GPC5: variants seen among roughly 807,000 people sequenced by gnomAD.
The protein encoded by GPC5 is glypican-5.
In GPC5, 47 loss-of-function variants were observed where a neutral mutation model predicts 53.9. That is an observed-to-expected ratio of 0.87 (90% CI 0.69 to 1.11). GPC5 has a LOEUF of 1.11. Ranked by LOEUF, GPC5 falls within the 50% of genes most tolerant of loss-of-function variation. The pLI is 0.00. For missense variants in GPC5, 748 were observed against 713.1 expected (o/e 1.05, Z -0.56); for synonymous variants, 286 against 263.3 (o/e 1.09, Z -0.84).
chr13:91,444,499 C>T (rs189004496), intron 1 of GPC5, among the ~76,000 whole-genome samples: 107 of 152,258 alleles, frequency 7.0e-4, no homozygotes, highest in African/African-American at 2.5e-3. Context: ...TTTTTCTGAA[C>T]ATTTTTATTG....
At chr13:92,127,080 T>C (rs767034604) in intron 6 of GPC5, among the ~76,000 whole-genome samples, 2 of 152,084 alleles carry the variant, frequency 1.3e-5, no homozygotes, top group Non-Finnish European at 1.5e-5. Context: ...AAAAGTAGTA[T>C]TGATTGAGAA....
chr13:91,436,165 GT>G (rs1227321951), intron 1 of GPC5, among the ~76,000 whole-genome samples: 1 of 151,320 alleles, frequency 6.6e-6, no homozygotes, highest in Non-Finnish European at 1.5e-5. Context: ...TTTTTGAAGG[GT>G]TTTTTGTGTC....
intron 6 of GPC5, among the ~76,000 whole-genome samples, chr13:92,001,044 T>C (rs1055920290): frequency 3.9e-5 from 6 of 152,204 alleles, no homozygotes; most frequent in African/African-American, 1.4e-4. Context: ...GTACTTTAAG[T>C]AAGTATGTCT....
intron 7 of GPC5, among the ~76,000 whole-genome samples, chr13:92,370,579 G>T (rs1401731029): frequency 6.6e-6 from 1 of 151,548 alleles, no homozygotes; most frequent in African/African-American, 2.4e-5. Flanking sequence ...TCTGTTAAAT[G>T]GAAAAAATAT....
At chr13:91,512,124 T>C (rs1029996901) in intron 2 of GPC5, among the ~76,000 whole-genome samples, 8 of 152,202 alleles carry the variant, frequency 5.3e-5, no homozygotes, top group African/African-American at 1.9e-4. Context: ...ATCTTTTCAT[T>C]AGCAGAGCTT....
At chr13:92,773,901 C>T (rs1396293621) in intron 7 of GPC5, among the ~76,000 whole-genome samples, 1 of 152,164 alleles carries the variant, frequency 6.6e-6, no homozygotes, top group African/African-American at 2.4e-5. Flanking sequence ...GGAGGCCTCA[C>T]CATCATGGTG....
At chr13:91,707,280 C>A (rs2036126259) in intron 3 of GPC5, among the ~76,000 whole-genome samples, 1 of 152,068 alleles carries the variant, frequency 6.6e-6, no homozygotes. Flanking sequence ...ATCAAAACCA[C>A]ACTGAGACAG....
intron 6 of GPC5, among the ~76,000 whole-genome samples, chr13:91,928,412 A>T (rs2039789368): frequency 1.3e-5 from 2 of 152,312 alleles, no homozygotes; most frequent in South Asian, 2.1e-4. Flanking sequence ...GAATGTTGTG[A>T]GTTTAACAGA....
intron 5 of GPC5, among the ~76,000 whole-genome samples, chr13:91,785,512 TA>T (rs1159176750): frequency 1.2e-5 from 1 of 84,452 alleles, no homozygotes; most frequent in Non-Finnish European, 2.6e-5. Flanking sequence ...TTGATTAACA[TA>T]TTTATTTTAC....
chr13:91,503,142 C>T (rs1306556735), intron 2 of GPC5, among the ~76,000 whole-genome samples: 4 of 151,920 alleles, frequency 2.6e-5, no homozygotes, highest in Non-Finnish European at 4.4e-5. Flanking sequence ...AAAATCAGTA[C>T]AGCACAGAGA....
chr13:92,722,731 A>G (rs17267362), intron 7 of GPC5, among the ~76,000 whole-genome samples: 12,303 of 151,724 alleles, frequency 0.081, 607 homozygotes, highest in Admixed American at 0.13. Context: ...AAGGAATAGA[A>G]CTCCAGAGTG....
At chr13:92,854,902 G>A (rs1043538589) in intron 7 of GPC5, among the ~76,000 whole-genome samples, 25 of 151,854 alleles carry the variant, frequency 1.6e-4, no homozygotes, top group African/African-American at 6.0e-4. Context: ...TGTTACATTT[G>A]TCTATTTTTA....
chr13:92,695,747 A>G (rs540179333), intron 7 of GPC5, among the ~76,000 whole-genome samples: 6 of 151,842 alleles, frequency 4.0e-5, no homozygotes, highest in Non-Finnish European at 7.4e-5. Context: ...ACATGTGCAG[A>G]AAGTGCAGGT....
intron 1 of GPC5, among the ~76,000 whole-genome samples, chr13:91,432,203 C>CTGCTGCTGCTGCTGCTGCTGTGTG (rs1555306318): frequency 3.7e-5 from 5 of 136,354 alleles, no homozygotes; most frequent in African/African-American, 1.4e-4. Context: ...GCTGCTGCTG[C>CTGCTGCTGCTGCTGCTGCTGTGTG]TGTGTGTGTG....
At chr13:91,594,999 T>G (rs1317331083) in intron 2 of GPC5, among the ~76,000 whole-genome samples, 9 of 102,054 alleles carry the variant, frequency 8.8e-5, no homozygotes, top group Non-Finnish European at 1.8e-4. Context: ...TATTTATTTA[T>G]TTATTTATTT....
intron 7 of GPC5, among the ~76,000 whole-genome samples, chr13:92,335,021 CCTT>C (rs558660486): frequency 2.7e-3 from 413 of 152,200 alleles, no homozygotes; most frequent in African/African-American, 9.3e-3. Flanking sequence ...AGGATGGTGG[CCTT>C]CTTCTCACAG....
At chr13:91,862,801 A>T (rs1284533707) in intron 5 of GPC5, among the ~76,000 whole-genome samples, 1 of 152,168 alleles carries the variant, frequency 6.6e-6, no homozygotes, top group Non-Finnish European at 1.5e-5. Flanking sequence ...AATGTTTCAT[A>T]GCAAAAGGAT....
intron 2 of GPC5, among the ~76,000 whole-genome samples, chr13:91,520,866 T>C (rs894236976): frequency 2.0e-5 from 3 of 152,134 alleles, no homozygotes; most frequent in Non-Finnish European, 4.4e-5. Flanking sequence ...AATGATTTCC[T>C]GTAGAAATGA....
At chr13:92,000,298 G>A (rs1319930988) in intron 6 of GPC5, among the ~76,000 whole-genome samples, 1 of 151,880 alleles carries the variant, frequency 6.6e-6, no homozygotes, top group African/African-American at 2.4e-5. Flanking sequence ...TTTGGATAGA[G>A]GAAAATAGAA....
Sources: allele counts gnomAD v4.1 joint callset (sites outside exome capture counted in the v4.1 genomes callset), GRCh38; gene constraint gnomAD v4.1.1; transcripts MANE v1.5; gene names NCBI Gene and HGNC (gene_info 2026-07-23, HGNC 2026-07-21).